CCDC33: variants seen among roughly 807,000 people sequenced by gnomAD.
The protein encoded by CCDC33 is coiled-coil domain-containing protein 33.
A neutral mutation model predicts 91.9 loss-of-function variants in CCDC33; 94 were observed. The ratio of observed to expected loss-of-function variants is 1.02; its 90% CI spans 0.87 to 1.21. The LOEUF is 1.21. Ranked by LOEUF, CCDC33 falls within the 50% of genes most tolerant of loss-of-function variation. The pLI is 0.00. For missense variants in CCDC33, 940 were observed against 935.5 expected, an observed-to-expected ratio of 1.00 and a Z score of -0.06; for synonymous variants, 396 against 374.5, an observed-to-expected ratio of 1.06 and a Z score of -0.66.
At chr15:74,236,872 G>C in intron 1 of CCDC33, 132 bp downstream of exon 1, 3 of 848,726 alleles carry the variant, frequency 3.5e-6, no homozygotes. Flanking sequence ...TCACAGCTGT[G>C]AAATGGGGAG....
chr15:74,281,020 A>G (rs2059351478), intron 9 of CCDC33, among the ~76,000 whole-genome samples: 1 of 152,202 alleles, frequency 6.6e-6, no homozygotes, highest in African/African-American at 2.4e-5. Flanking sequence ...CAAGCCAGAG[A>G]AATTGCCCCT....
intron 11 of CCDC33, among the ~76,000 whole-genome samples, chr15:74,315,791 A>G (rs2142773307): frequency 6.6e-6 from 1 of 152,316 alleles, no homozygotes; most frequent in South Asian, 2.1e-4. Flanking sequence ...CTGAGGCCAC[A>G]GGAAGTGGCT....
In CCDC33 at chr15:74,327,352, G is replaced by T. The variant is rs2060330514; in HGVS notation, c.1291-2837G>T. 2.0e-5 allele frequency among the ~76,000 whole-genome samples: 3 copies of T among 152,174 alleles called. No individual in the cohort carries two copies. In the South Asian group the frequency reaches 6.2e-4, roughly 32 times the overall value. ...AGCGAGGTGTTAATAACAGAGCTCT[G>T]GGCCAGGTGCGGTGGCTCATTCCTC... is the stretch of plus-strand genomic sequence containing the variant. On this transcript the variant is annotated intron_variant, in intron 11 of 18. Coordinates refer to ENST00000398814, the MANE Select transcript of CCDC33 (RefSeq NM_025055.5).
intron 2 of CCDC33, among the ~76,000 whole-genome samples, chr15:74,262,053 T>A (rs1029191092): frequency 1.1e-4 from 2 of 18,414 alleles, no homozygotes; most frequent in African/African-American, 3.8e-4. Flanking sequence ...GCCCAGAGGA[T>A]TCCTCCCACC....
intron 1 of CCDC33, among the ~76,000 whole-genome samples, chr15:74,205,816 A>G (rs1233010304): frequency 6.6e-6 from 1 of 152,150 alleles, no homozygotes; most frequent in Non-Finnish European, 1.5e-5. Context: ...AGAGGCCACC[A>G]AGGGAGGCCC....
intron 13 of CCDC33, 47 bp from the exon 14 acceptor site, chr15:74,330,934 C>T (rs1235872203): frequency 3.9e-6 from 6 of 1,550,994 alleles, no homozygotes; most frequent in East Asian, 2.3e-5. Context: ...CCAAGGTGGA[C>T]TCCCAGGCAC....
upstream of CCDC33, among the ~76,000 whole-genome samples, chr15:74,234,850 C>T (rs2075096973): frequency 6.6e-6 from 1 of 152,332 alleles, no homozygotes; most frequent in African/African-American, 2.4e-5. Context: ...GTGTCGGGAG[C>T]GGAGCGCTCG....
chr15:74,247,720 ACT>A (rs1401791521), intron 2 of CCDC33, among the ~76,000 whole-genome samples: 2 of 152,108 alleles, frequency 1.3e-5, no homozygotes, highest in African/African-American at 4.8e-5. Flanking sequence ...AAGGATACAA[ACT>A]CTCAGTTTTG....
rs1338654683 is a variant in CCDC33 at position 74,271,750 on chromosome 15, C to T, written c.594C>T (p.Pro198=). The T allele has an allele frequency of 3.1e-6, 5 of 1,613,972 alleles. No individual in the cohort carries two copies. The highest frequency in any genetic ancestry group is 4.2e-6 in the Non-Finnish European group (5 of 1,179,874). ...VNEPLANNPN[P]IVVIARVVPN... ...AGCCCCTGGCCAACAACCCCAACCC[C>T]ATAGTGGTGATTGCCCGGGTCGTTC... The change falls in exon 6 of 19, where the codon CCC becomes CCT. Residue 198 remains proline (P), a synonymous_variant. Transcript: ENST00000398814.
rs754088196 is a variant in CCDC33, at chr15:74,268,422, AC to A, written c.514del (p.Arg172AlafsTer28). The stretch of plus-strand genomic sequence containing the variant: ...CAGTCGTTCGGAAGAGCAGCTTCAT[AC>A]CCCGCTACATCGGCTGCAACCACAT... ...ATVVRKSSFI[P>X]RYIGCNHMAL... On this transcript the variant is annotated frameshift_variant, in exon 5 of 19. Coordinates refer to ENST00000398814, the MANE Select transcript of CCDC33 (RefSeq NM_025055.5). LOFTEE classifies it high-confidence loss of function. 7.8e-6 allele frequency: 12 copies of A among 1,541,608 alleles called. No homozygotes were observed. Among genetic ancestry groups the A allele is most frequent in the Non-Finnish European group, 9.6e-6 (11 of 1,144,596 alleles).
At chr15:74,283,941 T>C (rs1165559547) in intron 10 of CCDC33, among the ~76,000 whole-genome samples, 1 of 152,178 alleles carries the variant, frequency 6.6e-6, no homozygotes, top group Non-Finnish European at 1.5e-5. Context: ...GTACACGCTC[T>C]CACATACATG....
intron 10 of CCDC33, among the ~76,000 whole-genome samples, chr15:74,286,403 A>G (rs1355275050): frequency 6.6e-6 from 1 of 151,968 alleles, no homozygotes; most frequent in Admixed American, 6.5e-5. Context: ...ACACTTCCCC[A>G]GGCAAAGCAG....
intron 1 of CCDC33, chr15:74,203,110 C>G: frequency 1.0e-6 from 1 of 985,592 alleles, no homozygotes; most frequent in Non-Finnish European, 1.2e-6. Flanking sequence ...TGAGACGGAC[C>G]GCTGGGGCTG....
chr15:74,225,745 C>T (rs1211112393), intron 2 of CCDC33, among the ~76,000 whole-genome samples: 1 of 152,158 alleles, frequency 6.6e-6, no homozygotes, highest in East Asian at 1.9e-4. Context: ...TAAAACCCTG[C>T]GTGAAACCCA....
At chr15:74,287,537 C>T (rs565545361) in intron 10 of CCDC33, among the ~76,000 whole-genome samples, 1 of 152,292 alleles carries the variant, frequency 6.6e-6, no homozygotes, top group African/African-American at 2.4e-5. Flanking sequence ...GGCGTGGTGG[C>T]TCTGGAGAGA....
At chr15:74,253,150 G>C (rs1390559771) in intron 2 of CCDC33, among the ~76,000 whole-genome samples, 2 of 152,200 alleles carry the variant, frequency 1.3e-5, no homozygotes, top group Non-Finnish European at 2.9e-5. Flanking sequence ...GGGGCCATGA[G>C]GCAGGCCAGA....
chr15:74,247,951 C>T (rs1434252696), intron 2 of CCDC33, among the ~76,000 whole-genome samples: 4 of 152,054 alleles, frequency 2.6e-5, no homozygotes, highest in Non-Finnish European at 5.9e-5. Flanking sequence ...GTGGTGGGCA[C>T]ATGTAATCCC....
At chr15:74,211,153 GCACACACACACACA>G (rs71137380) in intron 2 of CCDC33, among the ~76,000 whole-genome samples, 2 of 148,682 alleles carry the variant, frequency 1.3e-5, no homozygotes, top group African/African-American at 2.5e-5. Context: ...GCACGCACAC[GCACACACACACACA>G]CACACACACA....
intron 2 of CCDC33, among the ~76,000 whole-genome samples, chr15:74,220,299 A>T (rs1223719226): frequency 1.3e-5 from 2 of 152,170 alleles, no homozygotes; most frequent in African/African-American, 4.8e-5. Flanking sequence ...TAATTCATTC[A>T]TCAGTCAATC....
Sources: allele counts gnomAD v4.1 joint callset (sites outside exome capture counted in the v4.1 genomes callset), GRCh38; gene constraint gnomAD v4.1.1; transcripts MANE v1.5; gene names NCBI Gene and HGNC (gene_info 2026-07-23, HGNC 2026-07-21).